The following BDP1 variants were observed in gnomAD, a reference collection of about 807,000 sequenced individuals.
BDP1 encodes BDP1 general transcription factor IIIB subunit.
In BDP1, 169 loss-of-function variants were observed where a neutral mutation model predicts 266.6. The observed-to-expected ratio is 0.63, with a 90% confidence interval of 0.56 to 0.72. The LOEUF (loss-of-function observed/expected upper bound fraction) is 0.72. Ranked by LOEUF, BDP1 falls within the 30% of genes least tolerant of loss-of-function variation. The pLI, the probability that BDP1 is intolerant of heterozygous loss-of-function variation, is 0.00. For synonymous variants in BDP1, 1,090 were observed against 1,022.4 expected (o/e 1.07, Z -1.26); for missense variants, 3,015 against 3,053.8 (o/e 0.99, Z 0.30).
rs1299163034 is a variant in BDP1, at chr5:71,545,035, T to C, written c.6564-4T>C. 6.2e-7 allele frequency: 1 copy of C among 1,612,454 alleles called. No individual in the cohort carries two copies. The highest frequency in any genetic ancestry group is 8.5e-7 in the Non-Finnish European group (1 of 1,179,694). On this transcript the variant is annotated splice_region_variant and splice_polypyrimidine_tract_variant and intron_variant, in intron 31 of 38. Coordinates refer to ENST00000358731, the MANE Select transcript of BDP1 (RefSeq NM_018429.3). ...AATGACATGCATGCTAAACTCTCTTTCAGAAACGAAAATCAAGAAGAGAGC... is the reference window on the plus strand; with the variant it reads ...AATGACATGCATGCTAAACTCTCTTCCAGAAACGAAAATCAAGAAGAGAGC...
At chr5:71,507,439 A>G (rs780133285) in intron 16 of BDP1, among the ~76,000 whole-genome samples, 1 of 152,250 alleles carries the variant, frequency 6.6e-6, no homozygotes, top group African/African-American at 2.4e-5. Flanking sequence ...TAAAAAATCT[A>G]AGCACATAGA....
intron 13 of BDP1, among the ~76,000 whole-genome samples, chr5:71,498,205 CT>C (rs1561710024): frequency 2.0e-5 from 3 of 152,144 alleles, no homozygotes; most frequent in African/African-American, 7.2e-5. Flanking sequence ...CTGCTTTGGC[CT>C]CCCAAAGTGC....
At chr5:71,494,113 A>T (rs1054471923) in intron 11 of BDP1, among the ~76,000 whole-genome samples, 24 of 152,198 alleles carry the variant, frequency 1.6e-4, no homozygotes, top group African/African-American at 4.3e-4. Context: ...CTGTTAACAA[A>T]TCCTCCATAA....
At chr5:71,557,479 G>A (rs1034851056) in intron 36 of BDP1, among the ~76,000 whole-genome samples, 2 of 145,344 alleles carry the variant, frequency 1.4e-5, no homozygotes, top group African/African-American at 5.1e-5. Context: ...CTGCCTCCTG[G>A]GCTCACACCA....
rs1409858431 is a variant in BDP1, at chr5:71,458,622, A to G, written c.256A>G (p.Arg86Gly). The G allele has an allele frequency of 6.2e-7, 1 of 1,613,202 alleles. No individual in the cohort carries two copies. The highest frequency in any genetic ancestry group is 8.5e-7 in the Non-Finnish European group (1 of 1,179,242). The change falls in exon 2 of 39, where the codon AGA becomes GGA. Residue 86 changes from arginine to glycine, a missense_variant. Coordinates refer to ENST00000358731, the MANE Select transcript of BDP1 (RefSeq NM_018429.3). ...GGDNDVEESS[R>G]SSSTVSQRRK... ...TGACAATGATGTTGAAGAATCCAGT[A>G]GATCTTCCTCTACTGTTTCACAGAG... is the stretch of plus-strand genomic sequence containing the variant.
chr5:71,510,868 A>G lies in BDP1; in HGVS notation c.3776A>G (p.Lys1259Arg), dbSNP rs1479539837. The G allele has an allele frequency of 6.2e-7, 1 of 1,613,570 alleles. No homozygotes were observed. The highest frequency in any genetic ancestry group is 1.3e-5 in the African/African-American group (1 of 74,894). Residue 1259 changes from lysine to arginine, a missense_variant, in exon 17 of 39, where the codon AAA (lysine) becomes AGA (arginine). Around this residue, in one of 3 missense-constraint regions of BDP1, gnomAD observed 2,383 missense variants for 2,404.9 expected, o/e 0.99. Coordinates refer to ENST00000358731, the MANE Select transcript of BDP1 (RefSeq NM_018429.3). ...GAGATTGATTTGAAAGAAACTGGAA[A>G]AAGAGACATTCCCATCATGGAGAAA... is the stretch of plus-strand genomic sequence containing the variant. ...EKEIDLKETG[K>R]RDIPIMEKVS... is the part of the protein sequence containing the mutation.
chr5:71,468,576 A>G (rs1762045782), intron 6 of BDP1, among the ~76,000 whole-genome samples: 1 of 148,932 alleles, frequency 6.7e-6, no homozygotes, highest in Admixed American at 6.8e-5. Flanking sequence ...AGTAAATACC[A>G]TTTAAATAAA....
intron 12 of BDP1, among the ~76,000 whole-genome samples, chr5:71,496,241 CAAAAA>C (rs34456179): frequency 1.8e-5 from 2 of 110,104 alleles, no homozygotes; most frequent in Non-Finnish European, 3.7e-5. Flanking sequence ...GACTCCATTT[CAAAAA>C]AAAAAAAAAA....
chr5:71,528,117 G>A (rs1420040951), intron 25 of BDP1, among the ~76,000 whole-genome samples: 1 of 151,996 alleles, frequency 6.6e-6, no homozygotes, highest in African/African-American at 2.4e-5. Flanking sequence ...CACTGCACCC[G>A]GCCTCGATCT....
Position 71,542,375 on chromosome 5 carries a change from G to C in BDP1, c.6412+110G>C, listed in dbSNP as rs372229612. The C allele has an allele frequency of 2.4e-5, 24 of 1,006,636 alleles. 1 individual carries two copies. The South Asian group carries it at 4.2e-4, about 18-fold the overall frequency. 62.4% of individuals were successfully genotyped at this position (1,006,636 alleles called of 1,614,324 possible). On this transcript the variant is annotated intron_variant, in intron 30 of 38. Coordinates refer to ENST00000358731, the MANE Select transcript of BDP1 (RefSeq NM_018429.3). ...AATTGTTTTAACTTACAATAAAATA[G>C]TTTCAAATTAAAAAGTAAGACGAGC...
chr5:71,562,899 A>C (rs1743780832), intron 38 of BDP1: 1 of 1,283,656 alleles, frequency 7.8e-7, no homozygotes, highest in Admixed American at 2.4e-5. Context: ...TCCAATGGCA[A>C]GTATTGGGAT....
chr5:71,510,422 T>C lies in BDP1; in HGVS notation c.3330T>C (p.Pro1110=). Residue 1110 remains proline (P), a synonymous_variant, in exon 17 of 39, where the codon CCT becomes CCC. Coordinates refer to ENST00000358731, the MANE Select transcript of BDP1 (RefSeq NM_018429.3). ...PQENGLEEVK[P]LGEMQTDLKA... ...AAAATGGCCTAGAGGAGGTTAAGCC[T>C]CTAGGTGAAATGCAAACAGATTTGA... 1.2e-6 allele frequency: 2 copies of C among 1,613,508 alleles called. No individual in the cohort carries two copies. The highest frequency in any genetic ancestry group is 1.7e-6 in the Non-Finnish European group (2 of 1,179,904).
At chr5:71,542,639 G>C (rs1344168304) in intron 30 of BDP1, among the ~76,000 whole-genome samples, 1 of 151,788 alleles carries the variant, frequency 6.6e-6, no homozygotes, top group Non-Finnish European at 1.5e-5. Flanking sequence ...TGGGAGGCTT[G>C]AGCCCAAGAG....
At chr5:71,550,825 C>G (rs1742690170) in intron 34 of BDP1, among the ~76,000 whole-genome samples, 1 of 152,140 alleles carries the variant, frequency 6.6e-6, no homozygotes, top group African/African-American at 2.4e-5. Context: ...CGTGCCTAAG[C>G]CTCCCAAGTA....
intron 10 of BDP1, among the ~76,000 whole-genome samples, chr5:71,490,275 A>T (rs1763508737): frequency 6.6e-6 from 1 of 152,118 alleles, no homozygotes; most frequent in Non-Finnish European, 1.5e-5. Flanking sequence ...TATAAAATTT[A>T]TGTTTTCTGT....
At position 71,469,707 on chromosome 5, in the gene BDP1, G is replaced by A. The variant is rs983404516; in HGVS notation, c.920-688G>A. 3.3e-5 allele frequency among the ~76,000 whole-genome samples: 5 copies of A among 151,836 alleles called. 1 individual carries two copies. The highest frequency in any genetic ancestry group is 7.3e-5 in the African/African-American group (3 of 41,328). On this transcript the variant is annotated intron_variant, in intron 6 of 38. Transcript: ENST00000358731. Reference sequence around the variant, plus strand: ...CAGCTCACTGTAACCTCCGCCTCCCGGGTTCAAGCTATTCTTCTGCCTCAG... The same window carrying A: ...CAGCTCACTGTAACCTCCGCCTCCCAGGTTCAAGCTATTCTTCTGCCTCAG...
At chr5:71,573,932 C>T in the BDP1 span, among the ~76,000 whole-genome samples, 29 of 152,302 alleles carry the variant, frequency 1.9e-4, no homozygotes, top group Admixed American at 3.3e-4. Flanking sequence ...GGCAGTGAAG[C>T]GTCAGATTCC....
chr5:71,495,319 C>A lies in BDP1; in HGVS notation c.1710C>A (p.Phe570Leu), dbSNP rs371130783. Residue 570 changes from phenylalanine to leucine, a missense_variant, in exon 12 of 39, where the codon TTC becomes TTA. By Grantham distance (22) the Phe-to-Leu change is conservative. Transcript: ENST00000358731. ...SESSTSDLPS[F>L]EVGIRALCEV... The stretch of plus-strand genomic sequence containing the variant: ...CAAGCACTTCAGATTTGCCTTCATT[C>A]GAAGTTGGAATTAGAGCATTGTGTG... The A allele has an allele frequency of 1.9e-6, 3 of 1,606,740 alleles. No individual in the cohort carries two copies. The highest frequency in any genetic ancestry group is 1.7e-5 in the Admixed American group (1 of 59,644).
At position 71,567,250 on chromosome 5, in the gene BDP1, GT is replaced by G. The variant is rs1179702260; in HGVS notation, c.*2370del. The G allele has an allele frequency of 6.6e-6, 1 of 152,028 alleles. No individual in the cohort carries two copies. Among genetic ancestry groups the G allele is most frequent in the Admixed American group, 6.6e-5 (1 of 15,176 alleles). The allele number at this position is 152,028 out of a possible 1,614,324, so 9.4% of individuals were successfully genotyped here. On this transcript the variant is annotated 3_prime_UTR_variant, in exon 39 of 39. Coordinates refer to ENST00000358731, the MANE Select transcript of BDP1 (RefSeq NM_018429.3). ...TATTATTTATCCTTGTGTAATATTA[GT>G]TTTTAACTTTAACATCTGTTTCTTT...
Sources: allele counts gnomAD v4.1 joint callset (sites outside exome capture counted in the v4.1 genomes callset), GRCh38; gene constraint gnomAD v4.1.1; regional missense constraint gnomAD v4.1.1; transcripts MANE v1.5; gene names NCBI Gene and HGNC (gene_info 2026-07-23, HGNC 2026-07-21).